MLIP: variants seen among roughly 807,000 people sequenced by gnomAD.
MLIP encodes the protein muscular LMNA-interacting protein.
A neutral mutation model predicts 84.8 loss-of-function variants in MLIP; 79 were observed. That is an observed-to-expected ratio of 0.93 (90% CI 0.78 to 1.12). MLIP has a LOEUF of 1.12. Among genes scored for constraint, MLIP ranks in the 50% most tolerant of loss-of-function variants. The pLI, the probability that MLIP is intolerant of heterozygous loss-of-function variation, is 0.00. For missense variants in MLIP, 1,257 were observed against 1,160.6 expected (o/e 1.08, Z -1.21); for synonymous variants, 504 against 463.0 (o/e 1.09, Z -1.14).
At chr6:54,206,978 A>C (rs978460741) in intron 11 of MLIP, among the ~76,000 whole-genome samples, 12 of 152,224 alleles carry the variant, frequency 7.9e-5, no homozygotes, top group African/African-American at 2.9e-4. Flanking sequence ...TTATTGAGAA[A>C]TATTTTGGGG....
chr6:54,236,877 A>T (rs1781400691), intron 12 of MLIP, among the ~76,000 whole-genome samples: 1 of 152,104 alleles, frequency 6.6e-6, no homozygotes, highest in South Asian at 2.1e-4. Context: ...GTGTCTTTAA[A>T]CAGTAAACAA....
chr6:54,077,656 TAACATA>T (rs577896887), intron 1 of MLIP, among the ~76,000 whole-genome samples: 27 of 152,322 alleles, frequency 1.8e-4, no homozygotes, highest in Admixed American at 4.6e-4. Flanking sequence ...TGTATCTTAT[TAACATA>T]AAAAAGAGGC....
chr6:54,189,849 T>C, intron 9 of MLIP, 21 bp from the exon 10 acceptor site: 1 of 1,563,628 alleles, frequency 6.4e-7, no homozygotes, highest in Non-Finnish European at 8.8e-7. Context: ...CACTAATAAA[T>C]GCCATGTTTA....
intron 11 of MLIP, among the ~76,000 whole-genome samples, chr6:54,223,773 T>C (rs377272678): frequency 6.6e-6 from 1 of 152,088 alleles, no homozygotes; most frequent in African/African-American, 2.4e-5. Flanking sequence ...TATTACTTTG[T>C]AATTATATTA....
intron 11 of MLIP, among the ~76,000 whole-genome samples, chr6:54,204,206 A>G (rs1046730666): frequency 2.0e-5 from 3 of 152,224 alleles, no homozygotes; most frequent in African/African-American, 7.2e-5. Flanking sequence ...ATTTTCTGGA[A>G]TAAAATTATA....
chr6:54,077,787 A>T (rs1479652445), intron 1 of MLIP, among the ~76,000 whole-genome samples: 1 of 152,228 alleles, frequency 6.6e-6, no homozygotes, highest in Admixed American at 6.5e-5. Flanking sequence ...TAAGAAGCAG[A>T]TGATAAAGCT....
intron 11 of MLIP, among the ~76,000 whole-genome samples, chr6:54,212,581 T>C (rs1282080936): frequency 6.6e-6 from 1 of 152,218 alleles, no homozygotes; most frequent in African/African-American, 2.4e-5. Context: ...ATGCATGGGC[T>C]TGCCCCCGCC....
chr6:54,221,254 A>G (rs1368920439), intron 11 of MLIP, among the ~76,000 whole-genome samples: 5 of 152,184 alleles, frequency 3.3e-5, no homozygotes, highest in Non-Finnish European at 7.3e-5. Flanking sequence ...AGATAATCCC[A>G]GGTAGTGGTC....
chr6:54,122,998 C>T (rs190419760), intron 2 of MLIP, among the ~76,000 whole-genome samples: 1 of 151,402 alleles, frequency 6.6e-6, no homozygotes, highest in African/African-American at 2.4e-5. Context: ...GTGGCGCGAT[C>T]TCGGCTCACT....
intron 11 of MLIP, among the ~76,000 whole-genome samples, chr6:54,205,281 T>C (rs1466600739): frequency 6.6e-6 from 1 of 152,248 alleles, no homozygotes; most frequent in African/African-American, 2.4e-5. Context: ...CTAGTCACTA[T>C]TGTCTTCTCT....
intron 1 of MLIP, among the ~76,000 whole-genome samples, chr6:54,106,296 G>T (rs535342261): frequency 1.5e-4 from 23 of 150,358 alleles, no homozygotes; most frequent in African/African-American, 5.1e-4. Context: ...TGGGCAAGAA[G>T]TTTTTTTTTT....
chr6:54,191,969 T>C (rs1189698171), intron 10 of MLIP, among the ~76,000 whole-genome samples: 1 of 151,298 alleles, frequency 6.6e-6, no homozygotes, highest in East Asian at 1.9e-4. Flanking sequence ...TTTAAGAAAT[T>C]ATTTCAAAGT....
At chr6:54,263,541 C>T (rs1783516464) in intron 13 of MLIP, among the ~76,000 whole-genome samples, 1 of 151,950 alleles carries the variant, frequency 6.6e-6, no homozygotes, top group African/African-American at 2.4e-5. Flanking sequence ...TTCACAAGAA[C>T]ACATGTGTAG....
intron 4 of MLIP, among the ~76,000 whole-genome samples, chr6:54,146,517 A>G (rs1298649819): frequency 6.6e-6 from 1 of 152,190 alleles, no homozygotes; most frequent in Non-Finnish European, 1.5e-5. Context: ...GGGAAATAGG[A>G]CCAATGAGAT....
chr6:54,176,310 T>C (rs538041336), intron 9 of MLIP, among the ~76,000 whole-genome samples: 2 of 151,794 alleles, frequency 1.3e-5, no homozygotes, highest in Non-Finnish European at 2.9e-5. Context: ...TAAGTAGAAT[T>C]GGTATTAATT....
chr6:54,225,768 A>T (rs9382310), intron 11 of MLIP, among the ~76,000 whole-genome samples: 2 of 152,208 alleles, frequency 1.3e-5, no homozygotes, highest in East Asian at 3.9e-4. Context: ...AAATAAACAA[A>T]ACAGAACCCT....
intron 11 of MLIP, among the ~76,000 whole-genome samples, chr6:54,218,897 TTATAA>T (rs1044905508): frequency 1.3e-5 from 2 of 151,552 alleles, no homozygotes; most frequent in African/African-American, 4.9e-5. Flanking sequence ...TTTTTGACTC[TTATAA>T]TAAACAAAAT....
chr6:54,131,331 A>G (rs1005615330), intron 3 of MLIP, among the ~76,000 whole-genome samples: 1 of 152,176 alleles, frequency 6.6e-6, no homozygotes, highest in South Asian at 2.1e-4. Context: ...CAACAGAGAA[A>G]AAGTATCTCT....
intron 3 of MLIP, among the ~76,000 whole-genome samples, chr6:54,135,059 A>G (rs1771687560): frequency 6.6e-6 from 1 of 152,120 alleles, no homozygotes. Context: ...GTATTTAACT[A>G]AAATGATTGC....
Sources: allele counts gnomAD v4.1 joint callset (sites outside exome capture counted in the v4.1 genomes callset), GRCh38; gene constraint gnomAD v4.1.1; transcripts MANE v1.5; gene names NCBI Gene and HGNC (gene_info 2026-07-23, HGNC 2026-07-21).